Variants in FAM174B observed in about 807,000 individuals in gnomAD.
FAM174B encodes membrane protein FAM174B.
In FAM174B, 12 loss-of-function variants were observed where a neutral mutation model predicts 10.9. The ratio of observed to expected loss-of-function variants is 1.10; its 90% confidence interval spans 0.71 to 1.79. The LOEUF is 1.79. FAM174B is among the 40% of genes most tolerant of loss of function. The pLI is 0.00. For missense variants in FAM174B, 266 were observed against 233.3 expected, an observed-to-expected ratio of 1.14 and a Z score of -0.91; for synonymous variants, 132 against 115.8, an observed-to-expected ratio of 1.14 and a Z score of -0.90.
chr15:92,646,007 T>C (rs1335074927), intron 1 of FAM174B, among the ~76,000 whole-genome samples: 1 of 151,910 alleles, frequency 6.6e-6, no homozygotes, highest in East Asian at 1.9e-4. Context: ...CCCTGCCTGG[T>C]CACCCCCTTC....
intron 1 of FAM174B, among the ~76,000 whole-genome samples, chr15:92,631,884 C>T (rs576673206): frequency 4.1e-4 from 62 of 152,262 alleles, no homozygotes; most frequent in African/African-American, 1.4e-3. Flanking sequence ...GGGTTTGTCA[C>T]AGCCTGACGC....
chr15:92,618,515 G>A lies in FAM174B; in HGVS notation c.*941C>T, dbSNP rs1442553071. On this transcript the variant is annotated 3_prime_UTR_variant, in exon 3 of 3. Transcript: ENST00000327355. The stretch of plus-strand genomic sequence containing the variant: ...CCCGTCTAGACTGACTTCAAATATA[G>A]TCCCCTGACAGTGTGATTTTTTCCA... 6.6e-6 allele frequency: 1 copy of A among 151,774 alleles called. No individual in the cohort carries two copies. Among genetic ancestry groups the A allele is most frequent in the Non-Finnish European group, 1.5e-5 (1 of 68,116 alleles). The allele number at this position is 151,774 out of a possible 1,614,324, so 9.4% of individuals were successfully genotyped here.
chr15:92,655,231 C>G, intron 1 of FAM174B, 85 bp downstream of exon 1: 1 of 1,446,596 alleles, frequency 6.9e-7, no homozygotes, highest in Non-Finnish European at 9.1e-7. Flanking sequence ...CCTGTGCGTG[C>G]AGGTGGGGCG....
Position 92,655,511 on chromosome 15 carries a change from CCCGGGCCGGGCGGTGGCCGCGACTCG to C in FAM174B, c.123_148del (p.Glu42AlafsTer77). 6.7e-7 allele frequency: 1 copy of C among 1,503,218 alleles called. No homozygotes were observed. The highest frequency in any genetic ancestry group is 2.9e-5 in the East Asian group (1 of 34,544). 93.1% of individuals were successfully genotyped at this position (1,503,218 alleles called of 1,614,324 possible). A position where few individuals can be genotyped will look rare whatever the true frequency, so the allele number is the denominator to read the frequency against. ...CCCAAACCGGGTGGTGTTCCCGGGC[CCCGGGCCGGGCGGTGGCCGCGACTCG>C]CGCTCGGGTTCGGGCCACGGCGCGG... On this transcript the variant is annotated frameshift_variant, in exon 1 of 3. Transcript: ENST00000327355. LOFTEE classifies it high-confidence loss of function.
At chr15:92,650,050 T>C (rs1028599334) in intron 1 of FAM174B, among the ~76,000 whole-genome samples, 1 of 152,150 alleles carries the variant, frequency 6.6e-6, no homozygotes, top group African/African-American at 2.4e-5. Flanking sequence ...AAAACTCCAA[T>C]TTACTAAAAT....
At chr15:92,650,101 A>AT (rs1321807523) in intron 1 of FAM174B, among the ~76,000 whole-genome samples, 1 of 152,222 alleles carries the variant, frequency 6.6e-6, no homozygotes, top group Non-Finnish European at 1.5e-5. Context: ...TGACAAAAAA[A>AT]TTTTTAAATG....
intron 2 of FAM174B, among the ~76,000 whole-genome samples, chr15:92,629,215 C>T (rs1298693548): frequency 1.3e-5 from 2 of 152,210 alleles, no homozygotes; most frequent in Admixed American, 6.5e-5. Flanking sequence ...CTAATTGGGA[C>T]TTTGGCCAAG....
At chr15:92,647,931 A>T (rs943188697) in intron 1 of FAM174B, among the ~76,000 whole-genome samples, 1 of 152,180 alleles carries the variant, frequency 6.6e-6, no homozygotes, top group Non-Finnish European at 1.5e-5. Context: ...CTTCATCTAC[A>T]TAACAAGAAC....
At chr15:92,632,141 G>C (rs938886925) in intron 1 of FAM174B, among the ~76,000 whole-genome samples, 2 of 152,228 alleles carry the variant, frequency 1.3e-5, no homozygotes, top group African/African-American at 4.8e-5. Flanking sequence ...CCTAGGTCAA[G>C]GGCTTGTGAA....
At chr15:92,635,980 C>A (rs2050853452) in intron 1 of FAM174B, among the ~76,000 whole-genome samples, 1 of 152,156 alleles carries the variant, frequency 6.6e-6, no homozygotes, top group African/African-American at 2.4e-5. Flanking sequence ...TTCCACATAC[C>A]TTCAGATCCG....
intron 1 of FAM174B, among the ~76,000 whole-genome samples, chr15:92,636,434 TC>T (rs1455191541): frequency 6.6e-6 from 1 of 152,228 alleles, no homozygotes; most frequent in East Asian, 1.9e-4. Context: ...GCTGCTGGTA[TC>T]CCTGTCTAAC....
chr15:92,639,647 G>C (rs2050877534), intron 1 of FAM174B, among the ~76,000 whole-genome samples: 1 of 152,172 alleles, frequency 6.6e-6, no homozygotes, highest in Non-Finnish European at 1.5e-5. Flanking sequence ...TGGATCATGG[G>C]GGTGGGCCTT....
Position 92,640,377 on chromosome 15 carries a change from C to A in FAM174B, c.345-10032G>T, listed in dbSNP as rs1198686253. Among the ~76,000 whole-genome samples, 4 of 151,684 alleles carry A rather than the reference C, an allele frequency of 2.6e-5. No homozygotes were observed. In the East Asian group the frequency reaches 7.8e-4, roughly 29 times the overall value. On this transcript the variant is annotated intron_variant, in intron 1 of 2. Transcript: ENST00000327355. ...GACCAGCCTAGCTAACATGGTGAAA[C>A]CCCATCTCTACCAAAAATACAAAAA...
chr15:92,623,267 T>TA (rs1286337079), intron 2 of FAM174B, among the ~76,000 whole-genome samples: 2 of 152,036 alleles, frequency 1.3e-5, no homozygotes, highest in Non-Finnish European at 2.9e-5. Context: ...TGAAGAGAAT[T>TA]ATCAGGCTTA....
intron 2 of FAM174B, among the ~76,000 whole-genome samples, chr15:92,626,637 T>C (rs1177953976): frequency 6.6e-6 from 1 of 151,964 alleles, no homozygotes; most frequent in Non-Finnish European, 1.5e-5. Flanking sequence ...TTACGGCCGA[T>C]GGTCTGGAGC....
chr15:92,630,080 T>A (rs1043324722), intron 2 of FAM174B, 134 bp downstream of exon 2: 1 of 743,898 alleles, frequency 1.3e-6, no homozygotes, highest in South Asian at 1.9e-5. Flanking sequence ...AGAGCAGGTC[T>A]CTCCACGTGC....
Position 92,637,451 on chromosome 15 carries a change from C to T in FAM174B, c.345-7106G>A, listed in dbSNP as rs180786613. Among the ~76,000 whole-genome samples, 11 of 152,330 alleles carry T rather than the reference C, an allele frequency of 7.2e-5. No individual in the cohort carries two copies. In the East Asian group the frequency reaches 1.7e-3, roughly 24 times the overall value. On this transcript the variant is annotated intron_variant, in intron 1 of 2. Coordinates refer to ENST00000327355, the MANE Select transcript of FAM174B (RefSeq NM_207446.3). ...CCAGCCGGGGCCAGGTTTTCTGTCA[C>T]ACACACAACCTAGCAAACCTTAACT...
chr15:92,650,943 C>T (rs1032993641), intron 1 of FAM174B, among the ~76,000 whole-genome samples: 4 of 152,194 alleles, frequency 2.6e-5, no homozygotes, highest in Admixed American at 1.3e-4. Context: ...TCCCTCCTTC[C>T]GATTTTTGTC....
intron 1 of FAM174B, among the ~76,000 whole-genome samples, chr15:92,636,247 G>A (rs1317233410): frequency 6.6e-6 from 1 of 152,108 alleles, no homozygotes. Context: ...CCAGGAGACG[G>A]AGGTTGCAAC....
Sources: allele counts gnomAD v4.1 joint callset (sites outside exome capture counted in the v4.1 genomes callset), GRCh38; gene constraint gnomAD v4.1.1; transcripts MANE v1.5; gene names NCBI Gene and HGNC (gene_info 2026-07-23, HGNC 2026-07-21).